The following CDH12 variants were observed in gnomAD, a reference collection of about 807,000 sequenced individuals.
CDH12 encodes the protein cadherin 12.
CDH12 carries 41 observed loss-of-function variants against 74.1 expected under a neutral mutation model. The ratio of observed to expected loss-of-function variants is 0.55; its 90% CI spans 0.43 to 0.72. The LOEUF (loss-of-function observed/expected upper bound fraction) is 0.72. Among genes scored for constraint, CDH12 ranks in the 30% least tolerant of loss-of-function variants. CDH12 has a pLI of 0.00. For synonymous variants in CDH12, 399 were observed against 355.0 expected (o/e 1.12, Z -1.39); for missense variants, 945 against 977.2 (o/e 0.97, Z 0.44).
At chr5:22,682,501 G>T (rs765815554) in intron 1 of CDH12, among the ~76,000 whole-genome samples, 1 of 151,942 alleles carries the variant, frequency 6.6e-6, no homozygotes, top group Non-Finnish European at 1.5e-5. Context: ...ATACAACAGA[G>T]ATTCTATTTA....
At chr5:22,068,687 G>T (rs1250730388) in intron 5 of CDH12, among the ~76,000 whole-genome samples, 1 of 152,124 alleles carries the variant, frequency 6.6e-6, no homozygotes, top group African/African-American at 2.4e-5. Context: ...GAAGATATTT[G>T]TGTCCTATGG....
At chr5:21,765,505 C>A (rs1452975155) in intron 11 of CDH12, among the ~76,000 whole-genome samples, 3 of 150,248 alleles carry the variant, frequency 2.0e-5, no homozygotes, top group Non-Finnish European at 3.0e-5. Context: ...AAAATGATTC[C>A]TCCTAGGAGA....
chr5:22,558,585 G>A (rs1328724735), intron 1 of CDH12, among the ~76,000 whole-genome samples: 1 of 151,766 alleles, frequency 6.6e-6, no homozygotes, highest in East Asian at 1.9e-4. Context: ...GCAACATAAA[G>A]CCAAGAGAGA....
chr5:22,621,499 A>G (rs1238062605), intron 1 of CDH12, among the ~76,000 whole-genome samples: 1 of 152,178 alleles, frequency 6.6e-6, no homozygotes, highest in Admixed American at 6.6e-5. Flanking sequence ...TTCTCAGAAT[A>G]AAACAAAGTA....
rs569465421 is a variant in CDH12, at chr5:22,618,283, ATT to A, written c.-522-112921_-522-112920del. 1.8e-3 allele frequency among the ~76,000 whole-genome samples: 275 copies of A among 152,186 alleles called. 1 individual carries two copies. Among genetic ancestry groups the A allele is most frequent in the Non-Finnish European group, 2.1e-3 (141 of 67,982 alleles). ...ATGACCACAAGTTGAGAATTGCTACATTTTCAGGCTACTGTGGGCATTTATCA... is the reference window on the plus strand; with the variant it reads ...ATGACCACAAGTTGAGAATTGCTACATTCAGGCTACTGTGGGCATTTATCA... On this transcript the variant is annotated intron_variant, in intron 1 of 14. Transcript: ENST00000382254.
At chr5:22,087,874 A>C (rs748769113) in intron 4 of CDH12, among the ~76,000 whole-genome samples, 1 of 152,220 alleles carries the variant, frequency 6.6e-6, no homozygotes, top group Non-Finnish European at 1.5e-5. Flanking sequence ...GAAAGTTTCC[A>C]GAAAGCCACC....
chr5:22,537,273 C>A (rs538810462), intron 1 of CDH12, among the ~76,000 whole-genome samples: 2 of 152,260 alleles, frequency 1.3e-5, no homozygotes, highest in Non-Finnish European at 2.9e-5. Flanking sequence ...TACCCATTGG[C>A]AATACCTTGA....
intron 4 of CDH12, among the ~76,000 whole-genome samples, chr5:22,095,512 G>T (rs6890780): frequency 6.6e-6 from 1 of 151,874 alleles, no homozygotes; most frequent in Non-Finnish European, 1.5e-5. Context: ...CACCCTTAGC[G>T]GCAAGTACTG....
intron 1 of CDH12, among the ~76,000 whole-genome samples, chr5:22,799,626 T>C (rs1321633061): frequency 2.0e-5 from 3 of 152,210 alleles, no homozygotes; most frequent in Non-Finnish European, 2.9e-5. Context: ...AATTGACTTA[T>C]TGCAGTTTGA....
chr5:22,112,893 C>A (rs902114136), intron 4 of CDH12, among the ~76,000 whole-genome samples: 1 of 152,122 alleles, frequency 6.6e-6, no homozygotes, highest in Non-Finnish European at 1.5e-5. Context: ...TTTAACAGAA[C>A]GTTCATCTTA....
chr5:22,350,392 G>A (rs1348564625), intron 3 of CDH12, among the ~76,000 whole-genome samples: 4 of 151,990 alleles, frequency 2.6e-5, no homozygotes, highest in African/African-American at 4.8e-5. Context: ...CTTGAACTAC[G>A]CAGTCAGAAT....
At chr5:22,332,407 G>A (rs1439160930) in intron 3 of CDH12, among the ~76,000 whole-genome samples, 2 of 152,060 alleles carry the variant, frequency 1.3e-5, no homozygotes, top group Non-Finnish European at 2.9e-5. Flanking sequence ...AGTATGTTCA[G>A]CAAAAATATT....
chr5:22,169,998 C>T lies in CDH12; in HGVS notation c.-187+42500G>A, dbSNP rs567469346. 2.0e-5 allele frequency among the ~76,000 whole-genome samples: 3 copies of T among 151,868 alleles called. No homozygotes were observed. The South Asian group carries it at 6.2e-4, about 31-fold the overall frequency. ...ACTTTACTGCTTATTAAAAATATGC[C>T]TAATTGAAATAAACCACTACAATTT... On this transcript the variant is annotated intron_variant, in intron 4 of 14. Transcript: ENST00000382254.
At chr5:22,458,067 A>T (rs1240602236) in intron 2 of CDH12, among the ~76,000 whole-genome samples, 1 of 151,764 alleles carries the variant, frequency 6.6e-6, no homozygotes, top group Non-Finnish European at 1.5e-5. Context: ...TTTAGTAGAG[A>T]TGGGGTTTCA....
At chr5:22,486,698 C>T (rs1746616969) in intron 2 of CDH12, among the ~76,000 whole-genome samples, 1 of 152,040 alleles carries the variant, frequency 6.6e-6, no homozygotes, top group African/African-American at 2.4e-5. Flanking sequence ...GGTGATCCGC[C>T]TGTCTTGGCC....
intron 3 of CDH12, among the ~76,000 whole-genome samples, chr5:22,298,297 T>C (rs1306264404): frequency 6.6e-6 from 1 of 151,836 alleles, no homozygotes; most frequent in Non-Finnish European, 1.5e-5. Flanking sequence ...AGAAAGAATA[T>C]GAGTGTGTAT....
chr5:21,860,383 T>C (rs1456737732), intron 6 of CDH12, among the ~76,000 whole-genome samples: 2 of 151,580 alleles, frequency 1.3e-5, no homozygotes, highest in Non-Finnish European at 2.9e-5. Flanking sequence ...TTGTCTTTAT[T>C]TGGGGATTAT....
chr5:22,814,319 G>A (rs1252064362), intron 1 of CDH12, among the ~76,000 whole-genome samples: 1 of 152,010 alleles, frequency 6.6e-6, no homozygotes, highest in African/African-American at 2.4e-5. Context: ...GCCTCACCAA[G>A]ATAATTTGAA....
At chr5:22,000,113 T>C (rs189878330) in intron 5 of CDH12, among the ~76,000 whole-genome samples, 446 of 152,060 alleles carry the variant, frequency 2.9e-3, no homozygotes, top group African/African-American at 0.01. Context: ...ATTTGCTTTT[T>C]CTTTTCTTTT....
Sources: allele counts gnomAD v4.1 joint callset (sites outside exome capture counted in the v4.1 genomes callset), GRCh38; gene constraint gnomAD v4.1.1; transcripts MANE v1.5; gene names NCBI Gene and HGNC (gene_info 2026-07-23, HGNC 2026-07-21).